XPR1: variants seen among roughly 807,000 people sequenced by gnomAD.
XPR1 encodes the protein xenotropic and polytropic retrovirus receptor 1.
In XPR1, 28 loss-of-function variants were observed where a neutral mutation model predicts 87.5. The observed-to-expected ratio is 0.32, with a 90% CI of 0.24 to 0.44. The LOEUF (loss-of-function observed/expected upper bound fraction) is 0.44, where lower values mean the gene tolerates loss of function less well. XPR1 is among the 20% of genes least tolerant of loss of function. XPR1 has a pLI of 1.00. For synonymous variants in XPR1, 300 were observed against 306.1 expected (o/e 0.98, Z 0.21); for missense variants, 559 against 862.3 (o/e 0.65, Z 4.41).
At chr1:180,766,031 A>G (rs996383891) in intron 2 of XPR1, among the ~76,000 whole-genome samples, 1 of 152,184 alleles carries the variant, frequency 6.6e-6, no homozygotes, top group African/African-American at 2.4e-5. Context: ...CTGTGGTCTT[A>G]TAAGTTATCA....
intron 11 of XPR1, among the ~76,000 whole-genome samples, chr1:180,850,865 A>G (rs1651843509): frequency 6.6e-6 from 1 of 152,020 alleles, no homozygotes; most frequent in African/African-American, 2.4e-5. Context: ...AGGCTGAGGC[A>G]GGAGGATCAC....
intron 7 of XPR1, among the ~76,000 whole-genome samples, chr1:180,814,475 T>C (rs1199305692): frequency 1.3e-5 from 2 of 152,226 alleles, no homozygotes; most frequent in Non-Finnish European, 2.9e-5. Flanking sequence ...TCAGCTCCAC[T>C]GTTAGTTGTT....
intron 1 of XPR1, among the ~76,000 whole-genome samples, chr1:180,642,159 A>T (rs1557934979): frequency 6.6e-6 from 1 of 152,194 alleles, no homozygotes; most frequent in African/African-American, 2.4e-5. Context: ...GAGTGAGGAG[A>T]TAGGACCGAG....
Position 180,880,170 on chromosome 1 carries a change from A to G in XPR1, c.1903A>G (p.Asn635Asp). 1 of 1,614,202 alleles carries G rather than the reference A, an allele frequency of 6.2e-7. No homozygotes were observed. Among genetic ancestry groups the G allele is most frequent in the African/African-American group, 1.3e-5 (1 of 75,044 alleles). Residue 635 changes from asparagine to aspartate, a missense_variant, in exon 14 of 15, where the codon AAC becomes GAC. Around this residue, in one of 7 missense-constraint regions of XPR1, gnomAD observed 80 missense variants for 99.5 expected, o/e 0.80. Coordinates refer to ENST00000367590, the MANE Select transcript of XPR1 (RefSeq NM_004736.4). ...AVRDISVAPL[N>D]ADDQTLLEQM... Reference sequence around the variant, plus strand: ...GCGGGACATCTCTGTGGCCCCCCTGAACGCAGATGATCAGACTCTCCTAGA... The same window carrying G: ...GCGGGACATCTCTGTGGCCCCCCTGGACGCAGATGATCAGACTCTCCTAGA...
intron 1 of XPR1, among the ~76,000 whole-genome samples, chr1:180,662,676 T>A (rs1372969746): frequency 1.3e-5 from 2 of 152,202 alleles, no homozygotes; most frequent in African/African-American, 4.8e-5. Context: ...TTCTTTAGCT[T>A]TAGGAAGTTC....
chr1:180,721,608 A>G (rs914862932), intron 2 of XPR1, among the ~76,000 whole-genome samples: 1 of 152,188 alleles, frequency 6.6e-6, no homozygotes, highest in South Asian at 2.1e-4. Context: ...ACATTTTGTT[A>G]TACAGTTGAC....
chr1:180,812,252 T>G (rs993293787), intron 7 of XPR1, among the ~76,000 whole-genome samples: 1 of 152,204 alleles, frequency 6.6e-6, no homozygotes, highest in Non-Finnish European at 1.5e-5. Context: ...TAGGGTATAG[T>G]GCTGGGCTCA....
chr1:180,654,126 A>G (rs1655374329), intron 1 of XPR1, among the ~76,000 whole-genome samples: 1 of 152,162 alleles, frequency 6.6e-6, no homozygotes, highest in African/African-American at 2.4e-5. Context: ...TCAGAACATT[A>G]TCTGAGAGTA....
chr1:180,682,520 G>T, intron 2 of XPR1, 109 bp downstream of exon 2: 1 of 616,780 alleles, frequency 1.6e-6, no homozygotes, highest in Non-Finnish European at 2.5e-6. Flanking sequence ...TATTATATAG[G>T]TCTTTTTTTC....
chr1:180,682,831 TGC>T (rs1327768053), intron 2 of XPR1, among the ~76,000 whole-genome samples: 1 of 151,528 alleles, frequency 6.6e-6, no homozygotes, highest in Non-Finnish European at 1.5e-5. Context: ...TGTGTGTGTG[TGC>T]GTGTGTGTGT....
At chr1:180,662,561 T>C (rs1418151668) in intron 1 of XPR1, among the ~76,000 whole-genome samples, 1 of 152,214 alleles carries the variant, frequency 6.6e-6, no homozygotes, top group African/African-American at 2.4e-5. Flanking sequence ...CGTTTCTTTA[T>C]CCTTGACCTT....
chr1:180,818,356 A>G (rs1435764202), intron 7 of XPR1, among the ~76,000 whole-genome samples: 1 of 148,858 alleles, frequency 6.7e-6, no homozygotes, highest in Non-Finnish European at 1.5e-5. Flanking sequence ...ACAGGTACAT[A>G]TTTGCTTACT....
chr1:180,669,088 TAAAAA>T (rs747188399), intron 1 of XPR1, among the ~76,000 whole-genome samples: 1 of 111,834 alleles, frequency 8.9e-6, no homozygotes, highest in African/African-American at 3.3e-5. Context: ...AAACTCTGTC[TAAAAA>T]AAAAAAAAAA....
intron 11 of XPR1, among the ~76,000 whole-genome samples, chr1:180,842,439 G>T (rs997798058): frequency 6.6e-6 from 1 of 152,034 alleles, no homozygotes; most frequent in African/African-American, 2.4e-5. Flanking sequence ...ATATAAGTGA[G>T]CTAGCACTCA....
chr1:180,703,870 T>C (rs534500516), intron 2 of XPR1, among the ~76,000 whole-genome samples: 6 of 152,294 alleles, frequency 3.9e-5, no homozygotes, highest in African/African-American at 1.4e-4. Context: ...TATCGAGTAC[T>C]CAGTAGCGAT....
chr1:180,695,921 T>C (rs948566509), intron 2 of XPR1, among the ~76,000 whole-genome samples: 1 of 152,096 alleles, frequency 6.6e-6, no homozygotes, highest in African/African-American at 2.4e-5. Flanking sequence ...CGGAGTCTTT[T>C]GTGGTTCCAT....
chr1:180,757,990 G>A (rs12060548), intron 2 of XPR1, among the ~76,000 whole-genome samples: 1 of 149,746 alleles, frequency 6.7e-6, no homozygotes, highest in East Asian at 2.0e-4. Flanking sequence ...AGCTATTGGA[G>A]AAACTGGATA....
At chr1:180,759,067 A>G (rs1474557564) in intron 2 of XPR1, among the ~76,000 whole-genome samples, 1 of 152,196 alleles carries the variant, frequency 6.6e-6, no homozygotes, top group African/African-American at 2.4e-5. Context: ...TTTGAAACCA[A>G]TGAGAACAAA....
intron 2 of XPR1, among the ~76,000 whole-genome samples, chr1:180,729,745 G>T (rs1044650722): frequency 6.6e-6 from 1 of 152,012 alleles, no homozygotes; most frequent in African/African-American, 2.4e-5. Context: ...TTTTTAATGG[G>T]ATTATTTGTT....
Sources: gnomAD v4.1 joint callset for allele counts (sites outside exome capture counted in the v4.1 genomes callset) on GRCh38, gnomAD v4.1.1 for gene constraint, gnomAD v4.1.1 regional missense constraint, MANE v1.5 for transcripts, NCBI Gene and HGNC (gene_info 2026-07-23, HGNC 2026-07-21) for gene names.